Variants in LRFN5 observed in about 807,000 individuals in gnomAD.
LRFN5 encodes leucine rich repeat and fibronectin type III domain containing 5.
A neutral mutation model predicts 45.6 loss-of-function variants in LRFN5; 24 were observed. The ratio of observed to expected loss-of-function variants is 0.53; its 90% CI spans 0.38 to 0.74. LRFN5 has a LOEUF of 0.74. Ranked by LOEUF, LRFN5 falls within the 30% of genes least tolerant of loss-of-function variation. The pLI, the probability that LRFN5 is intolerant of heterozygous loss-of-function variation, is 0.00. For synonymous variants in LRFN5, 340 were observed against 313.8 expected, an observed-to-expected ratio of 1.08 and a Z score of -0.88; for missense variants, 776 against 861.5, an observed-to-expected ratio of 0.90 and a Z score of 1.24.
chr14:41,626,597 A>G (rs747206566), intron 1 of LRFN5, among the ~76,000 whole-genome samples: 1 of 152,060 alleles, frequency 6.6e-6, no homozygotes, highest in African/African-American at 2.4e-5. Context: ...GGCTCTATTT[A>G]TGTTCATAGT....
intron 1 of LRFN5, among the ~76,000 whole-genome samples, chr14:41,686,634 A>G (rs1467607637): frequency 6.6e-6 from 1 of 152,076 alleles, no homozygotes; most frequent in Non-Finnish European, 1.5e-5. Flanking sequence ...GATATGTTCC[A>G]TGAATACCTA....
intron 2 of LRFN5, among the ~76,000 whole-genome samples, chr14:41,865,310 ATGGAAT>A (rs938799305): frequency 3.7e-4 from 57 of 152,254 alleles, no homozygotes; most frequent in Non-Finnish European, 8.1e-4. Flanking sequence ...TCACATATAA[ATGGAAT>A]TGTATTATAT....
chr14:41,682,692 T>G (rs761155821), intron 1 of LRFN5, among the ~76,000 whole-genome samples: 4 of 152,178 alleles, frequency 2.6e-5, no homozygotes, highest in Admixed American at 6.6e-5. Flanking sequence ...AATTGGAATC[T>G]GGAAGAAATG....
intron 2 of LRFN5, among the ~76,000 whole-genome samples, chr14:41,867,738 C>G (rs1889887442): frequency 6.6e-6 from 1 of 152,096 alleles, no homozygotes. Flanking sequence ...TCTCCTCATT[C>G]AGACTTTTTA....
chr14:41,728,159 TTA>T (rs1197211906), intron 1 of LRFN5, among the ~76,000 whole-genome samples: 1 of 152,162 alleles, frequency 6.6e-6, no homozygotes, highest in Non-Finnish European at 1.5e-5. Context: ...CAATCTTCCA[TTA>T]GTCATATTTA....
intron 1 of LRFN5, among the ~76,000 whole-genome samples, chr14:41,712,134 A>G (rs1259645099): frequency 6.6e-6 from 1 of 152,200 alleles, no homozygotes; most frequent in Non-Finnish European, 1.5e-5. Flanking sequence ...ACTGAGACAC[A>G]TGAGGGACAG....
intron 1 of LRFN5, among the ~76,000 whole-genome samples, chr14:41,662,887 A>G (rs1157133065): frequency 2.6e-5 from 4 of 152,124 alleles, no homozygotes; most frequent in African/African-American, 9.7e-5. Flanking sequence ...GTTGCACAGC[A>G]CAATATACCC....
At chr14:41,810,750 A>T (rs1887708083) in intron 2 of LRFN5, among the ~76,000 whole-genome samples, 1 of 152,062 alleles carries the variant, frequency 6.6e-6, no homozygotes. Context: ...ATCAGAAAAT[A>T]AAAACAAAAT....
intron 1 of LRFN5, among the ~76,000 whole-genome samples, chr14:41,674,723 G>C (rs1449097635): frequency 2.9e-4 from 44 of 151,742 alleles, no homozygotes; most frequent in African/African-American, 1.0e-3. Flanking sequence ...CCTCCCTCCC[G>C]GACGGGGTGG....
intron 1 of LRFN5, among the ~76,000 whole-genome samples, chr14:41,758,993 G>C (rs1364024693): frequency 1.3e-5 from 2 of 152,120 alleles, no homozygotes; most frequent in East Asian, 3.9e-4. Flanking sequence ...GGTGCTAGAT[G>C]CTGCAGGGCA....
chr14:41,670,289 A>C, intron 1 of LRFN5, among the ~76,000 whole-genome samples: 1 of 70,842 alleles, frequency 1.4e-5, no homozygotes, highest in African/African-American at 5.6e-5. Context: ...ATATATATAT[A>C]TATATATATA....
At chr14:41,892,180 G>C (rs934742757) in intron 4 of LRFN5, 1 of 985,154 alleles carries the variant, frequency 1.0e-6, no homozygotes, top group African/African-American at 1.7e-5. Context: ...CTACTGGAAA[G>C]CTCTGTGTAA....
At chr14:41,836,754 A>G (rs984395015) in intron 2 of LRFN5, among the ~76,000 whole-genome samples, 6 of 152,100 alleles carry the variant, frequency 3.9e-5, no homozygotes, top group African/African-American at 1.4e-4. Flanking sequence ...CTGCACCTAA[A>G]CAGGTTCATT....
intron 5 of LRFN5, among the ~76,000 whole-genome samples, chr14:41,901,412 A>G (rs894575137): frequency 6.9e-6 from 1 of 144,036 alleles, no homozygotes; most frequent in African/African-American, 2.6e-5. Context: ...CTGTTTTCTG[A>G]CCAATAAAAT....
chr14:41,649,859 C>T (rs1235212771), intron 1 of LRFN5, among the ~76,000 whole-genome samples: 1 of 152,166 alleles, frequency 6.6e-6, no homozygotes, highest in Non-Finnish European at 1.5e-5. Context: ...ACCACTCTCC[C>T]CCATTGCAAT....
intron 2 of LRFN5, among the ~76,000 whole-genome samples, chr14:41,855,798 G>A (rs985636709): frequency 2.0e-5 from 3 of 152,038 alleles, no homozygotes; most frequent in Non-Finnish European, 2.9e-5. Context: ...TGTTTTCACT[G>A]CAAAACTGTT....
intron 2 of LRFN5, among the ~76,000 whole-genome samples, chr14:41,862,596 T>A (rs1461153691): frequency 3.3e-5 from 5 of 152,154 alleles, no homozygotes; most frequent in African/African-American, 1.2e-4. Context: ...GGATCATAAT[T>A]TATACATGCA....
chr14:41,823,437 C>CTATATT (rs1237957999), intron 2 of LRFN5, among the ~76,000 whole-genome samples: 1 of 151,694 alleles, frequency 6.6e-6, no homozygotes, highest in Non-Finnish European at 1.5e-5. Context: ...ATATCTATAT[C>CTATATT]TATATTTGAT....
intron 1 of LRFN5, among the ~76,000 whole-genome samples, chr14:41,621,097 G>T (rs1055305169): frequency 6.6e-6 from 1 of 151,946 alleles, no homozygotes; most frequent in Non-Finnish European, 1.5e-5. Flanking sequence ...TATACTTTTA[G>T]TGATAGCATT....
Sources: allele counts gnomAD v4.1 joint callset (sites outside exome capture counted in the v4.1 genomes callset), GRCh38; gene constraint gnomAD v4.1.1; transcripts MANE v1.5; gene names NCBI Gene and HGNC (gene_info 2026-07-23, HGNC 2026-07-21).